Variants in NDC1 observed in about 807,000 individuals in gnomAD.
NDC1 encodes nucleoporin NDC1.
NDC1 carries 24 observed loss-of-function variants against 89.8 expected under a neutral mutation model. The observed-to-expected ratio is 0.27, with a 90% CI of 0.19 to 0.38. NDC1 has a LOEUF of 0.38. NDC1 is among the 10% of genes least tolerant of loss of function. NDC1 has a pLI of 1.00. For missense variants in NDC1, 728 were observed against 797.6 expected (o/e 0.91, Z 1.05); for synonymous variants, 296 against 284.8 (o/e 1.04, Z -0.39).
intron 14 of NDC1, among the ~76,000 whole-genome samples, chr1:53,792,754 T>TG: frequency 6.6e-6 from 1 of 152,270 alleles, no homozygotes; most frequent in East Asian, 1.9e-4. Flanking sequence ...CTGTGGCAGC[T>TG]GGAACAGCTG....
intron 5 of NDC1, among the ~76,000 whole-genome samples, chr1:53,823,729 A>G (rs555781999): frequency 3.9e-5 from 6 of 152,270 alleles, no homozygotes; most frequent in Admixed American, 2.6e-4. Flanking sequence ...TCCTTGTGAA[A>G]TTTTGAGGTA....
At chr1:53,790,989 T>C (rs557087147) in intron 14 of NDC1, among the ~76,000 whole-genome samples, 1 of 152,280 alleles carries the variant, frequency 6.6e-6, no homozygotes, top group Admixed American at 6.5e-5. Context: ...ATTTATTCCT[T>C]CTAACTGTAT....
chr1:53,814,280 G>A (rs1036348712), intron 6 of NDC1, among the ~76,000 whole-genome samples: 12 of 152,234 alleles, frequency 7.9e-5, no homozygotes, highest in East Asian at 1.9e-4. Flanking sequence ...GCGTGAACCC[G>A]GGAGGTGGAG....
chr1:53,770,139 T>C (rs1647099554), intron 17 of NDC1, among the ~76,000 whole-genome samples: 1 of 152,178 alleles, frequency 6.6e-6, no homozygotes, highest in African/African-American at 2.4e-5. Flanking sequence ...TATGGCTCTT[T>C]TCAGAGAAAA....
chr1:53,818,293 C>T (rs528853291), intron 6 of NDC1, among the ~76,000 whole-genome samples: 45 of 151,964 alleles, frequency 3.0e-4, no homozygotes, highest in African/African-American at 1.0e-3. Flanking sequence ...AAAAAATAGC[C>T]GGGTATGGTG....
chr1:53,794,002 G>A (rs996232717), intron 13 of NDC1, among the ~76,000 whole-genome samples: 1 of 151,572 alleles, frequency 6.6e-6, no homozygotes, highest in Non-Finnish European at 1.5e-5. Context: ...TTGAGACAGG[G>A]TCTCACTCTA....
At chr1:53,795,521 T>A (rs1233397337) in intron 13 of NDC1, among the ~76,000 whole-genome samples, 1 of 152,126 alleles carries the variant, frequency 6.6e-6, no homozygotes, top group Admixed American at 6.5e-5. Context: ...ATCAGTAAAT[T>A]CCAACTCAAT....
intron 16 of NDC1, among the ~76,000 whole-genome samples, chr1:53,773,423 G>A (rs978293974): frequency 2.0e-5 from 3 of 152,088 alleles, no homozygotes; most frequent in Admixed American, 6.5e-5. Flanking sequence ...TTATTTCTAA[G>A]GATTCTGATG....
intron 15 of NDC1, 139 bp downstream of exon 15, chr1:53,788,994 C>A (rs1647398264): frequency 3.4e-6 from 2 of 583,568 alleles, no homozygotes; most frequent in Non-Finnish European, 6.0e-6. Flanking sequence ...TCAAAATGAT[C>A]TATATAAAAC....
At chr1:53,777,884 G>A (rs1194126277) in intron 16 of NDC1, among the ~76,000 whole-genome samples, 3 of 152,052 alleles carry the variant, frequency 2.0e-5, no homozygotes, top group Non-Finnish European at 4.4e-5. Flanking sequence ...CCTAAATTTT[G>A]TTGTTGCTGT....
At chr1:53,782,709 T>C (rs1016293009) in intron 16 of NDC1, among the ~76,000 whole-genome samples, 4 of 152,228 alleles carry the variant, frequency 2.6e-5, no homozygotes, top group Admixed American at 2.0e-4. Flanking sequence ...AATTAAAATC[T>C]AGCATTTCCT....
intron 16 of NDC1, among the ~76,000 whole-genome samples, chr1:53,780,524 T>C (rs1647197175): frequency 6.6e-6 from 1 of 152,160 alleles, no homozygotes; most frequent in African/African-American, 2.4e-5. Flanking sequence ...AATTGCTTGA[T>C]AATTAAATAG....
intron 5 of NDC1, among the ~76,000 whole-genome samples, chr1:53,825,207 G>A (rs963738265): frequency 3.3e-5 from 5 of 151,758 alleles, no homozygotes; most frequent in African/African-American, 9.7e-5. Context: ...TGGGCGTGGT[G>A]GCTCATGCCT....
At chr1:53,797,948 A>C (rs916368764) in intron 11 of NDC1, among the ~76,000 whole-genome samples, 3 of 152,030 alleles carry the variant, frequency 2.0e-5, no homozygotes. Context: ...TCAAGTTAAC[A>C]AAAGTCACAC....
Position 53,804,029 on chromosome 1 carries a change from C to T in NDC1, c.985-20G>A, listed in dbSNP as rs371147756. 4.5e-4 allele frequency: 711 copies of T among 1,575,330 alleles called. 5 individuals carry two copies. The South Asian group carries it at 5.2e-3, about 11-fold the overall frequency. ...TAAATACTAACAGGGGGAAAAAACA[C>T]ATATTATTTAATTTTTTTTAACCTC... is the stretch of plus-strand genomic sequence containing the variant. On this transcript the variant is annotated intron_variant, in intron 9 of 17. Transcript: ENST00000371429.
rs1446160136 is a variant in NDC1 at position 53,766,952 on chromosome 1, C to G, written c.*1018G>C. 2 of 152,184 alleles carry G rather than the reference C, an allele frequency of 1.3e-5. No homozygotes were observed. Among genetic ancestry groups the G allele is most frequent in the Non-Finnish European group, 2.9e-5 (2 of 68,026 alleles). 9.4% of individuals were successfully genotyped at this position (152,184 alleles called of 1,614,324 possible). A position where few individuals can be genotyped will look rare whatever the true frequency, so the allele number is the denominator to read the frequency against. On this transcript the variant is annotated 3_prime_UTR_variant, in exon 18 of 18. Transcript: ENST00000371429. ...AACATACTTCCAAGTACAGTAATCCCTCTGACGTTTTGGTTTCACTTGCTA... is the reference window on the plus strand; with the variant it reads ...AACATACTTCCAAGTACAGTAATCCGTCTGACGTTTTGGTTTCACTTGCTA...
chr1:53,787,380 G>A (rs1647339510), intron 15 of NDC1, 122 bp from the exon 16 acceptor site: 5 of 602,032 alleles, frequency 8.3e-6, no homozygotes, highest in Non-Finnish European at 1.4e-5. Flanking sequence ...TGGGCACGGT[G>A]GCTCACACCT....
chr1:53,803,058 T>C (rs1647974675), intron 10 of NDC1, among the ~76,000 whole-genome samples: 2 of 152,132 alleles, frequency 1.3e-5, no homozygotes, highest in South Asian at 2.1e-4. Flanking sequence ...TTAAAAGTTT[T>C]AGAATTCTTT....
At chr1:53,769,828 TTCAGAAG>T (rs1647097613) in intron 17 of NDC1, among the ~76,000 whole-genome samples, 1 of 152,316 alleles carries the variant, frequency 6.6e-6, no homozygotes, top group African/African-American at 2.4e-5. Context: ...ATCAGAAAGA[TTCAGAAG>T]TTAGGGGAAA....
Sources: allele counts gnomAD v4.1 joint callset (sites outside exome capture counted in the v4.1 genomes callset), GRCh38; gene constraint gnomAD v4.1.1; transcripts MANE v1.5; gene names NCBI Gene and HGNC (gene_info 2026-07-23, HGNC 2026-07-21).